ZNF717: variants seen among roughly 807,000 people sequenced by gnomAD.
ZNF717 encodes krueppel-like factor X17.
In ZNF717, 9 loss-of-function variants were observed where a neutral mutation model predicts 13.8. The ratio of observed to expected loss-of-function variants is 0.65; its 90% CI spans 0.39 to 1.14. ZNF717 has a LOEUF of 1.14. Ranked by LOEUF, ZNF717 falls within the 50% of genes most tolerant of loss-of-function variation. The pLI is 0.01. For missense variants in ZNF717, 1,040 were observed against 1,080.7 expected, an observed-to-expected ratio of 0.96 and a Z score of 0.53; for synonymous variants, 327 against 364.1, an observed-to-expected ratio of 0.90 and a Z score of 1.16.
At chr3:75,733,519 CT>C (rs1938779899), downstream of ZNF717, among the ~76,000 whole-genome samples, 2 of 152,034 alleles carry the variant, frequency 1.3e-5, no homozygotes, top group African/African-American at 4.8e-5. Flanking sequence ...TGGCTCATGC[CT>C]GTAATCCCAG....
At chr3:75,756,660 TCTC>T (rs1942509535) in intron 2 of ZNF717, among the ~76,000 whole-genome samples, 1 of 151,866 alleles carries the variant, frequency 6.6e-6, no homozygotes, top group African/African-American at 2.4e-5. Context: ...TAAGCCTAAC[TCTC>T]CTTTTTCTTT....
intron 2 of ZNF717, among the ~76,000 whole-genome samples, chr3:75,772,964 C>G (rs1944017940): frequency 6.6e-6 from 1 of 152,150 alleles, no homozygotes; most frequent in South Asian, 2.1e-4. Context: ...ATTTCTGTTC[C>G]AAATAGGCTT....
At chr3:75,721,803 T>C (rs1323051183) in intron 4 of ZNF717, among the ~76,000 whole-genome samples, 1 of 152,100 alleles carries the variant, frequency 6.6e-6, no homozygotes, top group African/African-American at 2.4e-5. Context: ...TTTATGAGTT[T>C]TGCAGCCACT....
chr3:75,757,949 C>G (rs1304340342), intron 2 of ZNF717, among the ~76,000 whole-genome samples: 1 of 119,270 alleles, frequency 8.4e-6, no homozygotes, highest in East Asian at 2.4e-4. Flanking sequence ...CCTGTCTCTA[C>G]TAAAAAAAAA....
chr3:75,760,903 T>C (rs185149320), intron 2 of ZNF717, among the ~76,000 whole-genome samples: 1 of 151,410 alleles, frequency 6.6e-6, no homozygotes, highest in Non-Finnish European at 1.5e-5. Context: ...CTCACAGCCA[T>C]ATTAAGAAAA....
chr3:75,760,651 A>C (rs1942924206), intron 2 of ZNF717, among the ~76,000 whole-genome samples: 2 of 152,068 alleles, frequency 1.3e-5, no homozygotes, highest in Admixed American at 1.3e-4. Flanking sequence ...ATTGAAAAGA[A>C]GCGAGATCTC....
At chr3:75,760,340 G>A (rs1342398939) in intron 2 of ZNF717, among the ~76,000 whole-genome samples, 3 of 152,202 alleles carry the variant, frequency 2.0e-5, no homozygotes, top group African/African-American at 4.8e-5. Context: ...CACTGTGCCT[G>A]GCCTGGAATT....
At chr3:75,783,092 T>G (rs1454439673) in intron 2 of ZNF717, among the ~76,000 whole-genome samples, 5 of 152,250 alleles carry the variant, frequency 3.3e-5, no homozygotes, top group Admixed American at 1.3e-4. Context: ...TTTTTGTCAC[T>G]GCATCAGAAA....
rs1355931946 is a variant in ZNF717, at chr3:75,737,792, T to C, written c.1831A>G (p.Arg611Gly). 3.5e-5 allele frequency: 55 copies of C among 1,551,548 alleles called. No individual in the cohort carries two copies. The highest frequency in any genetic ancestry group is 4.8e-5 in the South Asian group (4 of 84,002). ...TAGGGTCTTTCCCCTGTGTGAGTTC[T>C]CTTGTGTATCCCAAGGTTTAACTTA... ...INKLNLGIHK[R>G]THTGERPYEC... Residue 611 changes from arginine to glycine, a missense_variant, in exon 5 of 5, where the codon AGA (arginine) becomes GGA (glycine). Around this residue, in one of 3 missense-constraint regions of ZNF717, gnomAD observed 873 missense variants for 832.8 expected, o/e 1.05. Transcript: ENST00000652011.
At chr3:75,740,158 AT>A (rs1236851029) in intron 4 of ZNF717, among the ~76,000 whole-genome samples, 2 of 152,096 alleles carry the variant, frequency 1.3e-5, no homozygotes, top group Non-Finnish European at 2.9e-5. Flanking sequence ...ATAATTCACC[AT>A]TTTTGAAGGG....
At chr3:75,709,005 TTC>T (rs1491428950), downstream of ZNF717, among the ~76,000 whole-genome samples, 1 of 108,472 alleles carries the variant, frequency 9.2e-6, no homozygotes, top group African/African-American at 3.7e-5. Flanking sequence ...TCTTTTTCTT[TTC>T]TTTTTTTTTT....
At chr3:75,700,176 G>C (rs1183486334) in intron 6 of ZNF717, among the ~76,000 whole-genome samples, 1 of 152,294 alleles carries the variant, frequency 6.6e-6, no homozygotes, top group Admixed American at 6.5e-5. Flanking sequence ...GGTGAATTAT[G>C]AGGTCAGGAG....
chr3:75,745,839 C>A (rs1429281562), intron 2 of ZNF717, among the ~76,000 whole-genome samples: 1 of 150,596 alleles, frequency 6.6e-6, no homozygotes, highest in Non-Finnish European at 1.5e-5. Context: ...CATTTTCTTT[C>A]TTTTTTTAAT....
chr3:75,746,936 C>T (rs1475735055), intron 2 of ZNF717, among the ~76,000 whole-genome samples: 1 of 152,118 alleles, frequency 6.6e-6, no homozygotes, highest in Non-Finnish European at 1.5e-5. Context: ...GAAGTCCTTG[C>T]CCATGCCTAT....
chr3:75,785,280 G>C (rs979512899), intron 1 of ZNF717, 104 bp downstream of exon 1: 3 of 152,220 alleles, frequency 2.0e-5, no homozygotes, highest in Admixed American at 6.5e-5. Flanking sequence ...TCCGGGCCCA[G>C]GGCCACCGGC....
downstream of ZNF717, among the ~76,000 whole-genome samples, chr3:75,734,817 A>ATTT (rs545474632): frequency 4.7e-4 from 27 of 57,558 alleles, no homozygotes; most frequent in African/African-American, 1.3e-3. Context: ...ATATATATAT[A>ATTT]TTTTTTTTTT....
At position 75,737,355 on chromosome 3, in the gene ZNF717, T is replaced by C. The variant is rs79902440; in HGVS notation, c.2268A>G (p.Lys756=). The change falls in exon 5 of 5, where the codon AAA becomes AAG. Residue 756 remains lysine, a synonymous_variant. Coordinates refer to ENST00000652011, the MANE Select transcript of ZNF717 (RefSeq NM_001290208.3). ...TVHHRTHTGE[K]PYECNECGKT... ...TCCCACACTCATTACATTCATAAGG[T>C]TTTTCTCCGGTATGGGTTCTATGAT... 6.4e-7 allele frequency: 1 copy of C among 1,552,474 alleles called. No individual in the cohort carries two copies. The highest frequency in any genetic ancestry group is 8.7e-7 in the Non-Finnish European group (1 of 1,147,566).
At position 75,741,675 on chromosome 3, in the gene ZNF717, T is replaced by C; in HGVS notation, c.119A>G (p.Asp40Gly). The stretch of plus-strand genomic sequence containing the variant: ...CCTGTACAGGGTCCTCTGAGCATCA[T>C]CCAGGTCCTGCCACTCCTCCCAGGT... ...HFTWEEWQDL[D>G]DAQRTLYRDV... The change falls in exon 3 of 5, where the codon GAT becomes GGT. Residue 40 changes from aspartate (D) to glycine (G), a missense_variant. By Grantham distance (94) the Asp-to-Gly change is moderately conservative. Transcript: ENST00000652011. 2 of 1,599,080 alleles carry C rather than the reference T, an allele frequency of 1.3e-6. No individual in the cohort carries two copies. The highest frequency in any genetic ancestry group is 1.1e-5 in the South Asian group (1 of 89,528).
rs372539402 is a variant in ZNF717 at position 75,737,350 on chromosome 3, T to C, written c.2273A>G (p.Tyr758Cys). ...GGTTTTCCCACACTCATTACATTCA[T>C]AAGGTTTTTCTCCGGTATGGGTTCT... The part of the protein sequence containing the change: ...HHRTHTGEKP[Y>C]ECNECGKTFC... The change falls in exon 5 of 5, where the codon TAT becomes TGT. Residue 758 changes from tyrosine (Y) to cysteine (C), a missense_variant. By Grantham distance (194) the Tyr-to-Cys change is radical. This residue lies in a region of ZNF717 where 873 missense variants were observed against 832.8 expected (regional missense o/e 1.05). Transcript: ENST00000652011. The C allele has an allele frequency of 1.9e-6, 3 of 1,552,646 alleles. No homozygotes were observed. Among genetic ancestry groups the C allele is most frequent in the Admixed American group, 3.9e-5 (2 of 51,024 alleles).
Sources: gnomAD v4.1 joint callset for allele counts (sites outside exome capture counted in the v4.1 genomes callset) on GRCh38, gnomAD v4.1.1 for gene constraint, gnomAD v4.1.1 regional missense constraint, MANE v1.5 for transcripts, NCBI Gene and HGNC (gene_info 2026-07-23, HGNC 2026-07-21) for gene names.